ANKFY1: variants seen among roughly 807,000 people sequenced by gnomAD.
ANKFY1 encodes the protein ankyrin repeat and FYVE domain-containing protein 1.
ANKFY1 carries 47 observed loss-of-function variants against 128.3 expected under a neutral mutation model. The ratio of observed to expected loss-of-function variants is 0.37; its 90% CI spans 0.29 to 0.47. ANKFY1 has a LOEUF of 0.47. ANKFY1 is among the 20% of genes least tolerant of loss of function. The probability of loss-of-function intolerance (pLI) is 1.00; values close to 1 mark genes in which losing one functional copy is unlikely to be tolerated. For missense variants in ANKFY1, 1,222 were observed against 1,510.6 expected, an observed-to-expected ratio of 0.81 and a Z score of 3.17; for synonymous variants, 553 against 601.6, an observed-to-expected ratio of 0.92 and a Z score of 1.18.
At chr17:4,231,195 G>A (rs922271137) in intron 3 of ANKFY1, among the ~76,000 whole-genome samples, 1 of 152,168 alleles carries the variant, frequency 6.6e-6, no homozygotes, top group Non-Finnish European at 1.5e-5. Context: ...ATGCATTAAT[G>A]GCAAAAATCC....
At chr17:4,172,110 T>C (rs1372132700) in intron 22 of ANKFY1, among the ~76,000 whole-genome samples, 1 of 152,180 alleles carries the variant, frequency 6.6e-6, no homozygotes, top group Non-Finnish European at 1.5e-5. Context: ...GAGAGGCCTG[T>C]AGCCCTCTGC....
intron 2 of ANKFY1, among the ~76,000 whole-genome samples, chr17:4,236,900 G>C (rs1416659910): frequency 6.6e-6 from 1 of 152,086 alleles, no homozygotes; most frequent in Non-Finnish European, 1.5e-5. Context: ...AGCACTTTGG[G>C]AGGCCGAGGT....
At chr17:4,222,304 C>A (rs1018249101) in intron 3 of ANKFY1, 1 of 696,004 alleles carries the variant, frequency 1.4e-6, no homozygotes, top group African/African-American at 1.7e-5. Flanking sequence ...GGTGCACCGG[C>A]TGATCGGTCT....
chr17:4,178,712 C>G lies in ANKFY1; in HGVS notation c.2598+145G>C, dbSNP rs2059453164. 2.5e-6 allele frequency: 2 copies of G among 804,966 alleles called. No homozygotes were observed. The highest frequency in any genetic ancestry group is 5.4e-5 in the East Asian group (2 of 37,146). 49.9% of individuals were successfully genotyped at this position (804,966 alleles called of 1,614,324 possible). ...CTCATCCTGCACGGATGGGACATCT[C>G]AACAGCCACATCTTAGGACAGGAGT... On this transcript the variant is annotated intron_variant, in intron 18 of 24. Coordinates refer to ENST00000341657, the MANE Select transcript of ANKFY1 (RefSeq NM_001330063.2). The surrounding 1 kb of genome is among the most constrained non-coding windows in gnomAD (Gnocchi z 4.1).
intron 2 of ANKFY1, among the ~76,000 whole-genome samples, chr17:4,236,587 G>A (rs776600126): frequency 2.6e-5 from 4 of 152,168 alleles, no homozygotes; most frequent in Non-Finnish European, 5.9e-5. Flanking sequence ...TACTACTGGA[G>A]GAGAGCATCT....
rs1302731082 is a variant in ANKFY1 at position 4,238,335 on chromosome 17, T to A, written c.204-2445A>T. ...TTTTTTCCCCTACGTTGGTAAAAGA[T>A]GTCTGCTTTAGAAACTGATTCCTCA... is the stretch of plus-strand genomic sequence containing the variant. On this transcript the variant is annotated intron_variant, in intron 2 of 24. Transcript: ENST00000341657. 3.3e-5 allele frequency among the ~76,000 whole-genome samples: 5 copies of A among 152,138 alleles called. No individual in the cohort carries two copies. The East Asian group carries it at 9.6e-4, about 29-fold the overall frequency.
At chr17:4,223,118 G>T (rs1329143832) in intron 3 of ANKFY1, 4 of 747,150 alleles carry the variant, frequency 5.4e-6, no homozygotes, top group South Asian at 3.0e-5. Context: ...AACAAGCATT[G>T]GTCGAAACAA....
rs111552292 is a variant in ANKFY1, at chr17:4,197,953, AACCCCGTCTCT to A, written c.899-387_899-377del. On this transcript the variant is annotated intron_variant, in intron 7 of 24. Coordinates refer to ENST00000341657, the MANE Select transcript of ANKFY1 (RefSeq NM_001330063.2). ...GAGACCAGCCTGACCAACAGGGAAA[AACCCCGTCTCT>A]ACTACAAATACAAAACTAGCCGGGC... Among the ~76,000 whole-genome samples, 522 of 152,084 alleles carry A rather than the reference AACCCCGTCTCT, an allele frequency of 3.4e-3. 3 individuals are homozygous for A. The highest frequency in any genetic ancestry group is 0.012 in the African/African-American group (499 of 41,472).
rs569824847 is a variant in ANKFY1, at chr17:4,169,506, G to A, written c.3287-218C>T. On this transcript the variant is annotated intron_variant, in intron 23 of 24. Coordinates refer to ENST00000341657, the MANE Select transcript of ANKFY1 (RefSeq NM_001330063.2). This position sits in a 1 kb window ranked among gnomAD's most constrained non-coding sequence, Gnocchi z 5.0. ...CCGGGAGACTTGGGGAGAAGGAAACGGTGGTCAACGAGGTGAACCAGTGTG... is the reference window on the plus strand; with the variant it reads ...CCGGGAGACTTGGGGAGAAGGAAACAGTGGTCAACGAGGTGAACCAGTGTG... Among the ~76,000 whole-genome samples the A allele has an allele frequency of 2.0e-5, 3 of 152,310 alleles. No homozygotes were observed. The highest frequency in any genetic ancestry group is 6.5e-5 in the Admixed American group (1 of 15,308).
intron 1 of ANKFY1, among the ~76,000 whole-genome samples, chr17:4,250,882 A>C (rs1967792351): frequency 6.6e-6 from 1 of 152,170 alleles, no homozygotes; most frequent in African/African-American, 2.4e-5. Context: ...GGATCCTCCC[A>C]CTTTGGTCTT....
chr17:4,213,483 ATATC>A (rs2060170829), intron 4 of ANKFY1, among the ~76,000 whole-genome samples: 1 of 152,160 alleles, frequency 6.6e-6, no homozygotes, highest in African/African-American at 2.4e-5. Flanking sequence ...TGTTGTTACA[ATATC>A]TAAGTAAGTT....
At chr17:4,263,044 TG>T (rs1442988727) in intron 1 of ANKFY1, among the ~76,000 whole-genome samples, 1 of 150,410 alleles carries the variant, frequency 6.6e-6, no homozygotes, top group Non-Finnish European at 1.5e-5. Flanking sequence ...TCTCCAATAA[TG>T]GGGTGAAGAG....
intron 1 of ANKFY1, among the ~76,000 whole-genome samples, chr17:4,258,335 C>T (rs891486609): frequency 5.3e-5 from 8 of 152,078 alleles, no homozygotes; most frequent in Admixed American, 1.3e-4. Flanking sequence ...ACCATCCTTG[C>T]TAACACGGTG....
intron 2 of ANKFY1, among the ~76,000 whole-genome samples, chr17:4,241,345 T>C (rs892073946): frequency 6.9e-6 from 1 of 145,278 alleles, no homozygotes; most frequent in South Asian, 2.2e-4. Context: ...AGTGGCACAA[T>C]CTCAGCTCAC....
Position 4,223,946 on chromosome 17 carries a change from C to T in ANKFY1, c.323-6828G>A, listed in dbSNP as rs1203053197. 6 of 562,126 alleles carry T rather than the reference C, an allele frequency of 1.1e-5. No homozygotes were observed. The Admixed American group carries it at 1.9e-4, about 18-fold the overall frequency. The allele number at this position is 562,126 out of a possible 1,614,324, so 34.8% of individuals were successfully genotyped here. On this transcript the variant is annotated intron_variant, in intron 3 of 24. Coordinates refer to ENST00000341657, the MANE Select transcript of ANKFY1 (RefSeq NM_001330063.2). The stretch of plus-strand genomic sequence containing the variant: ...TCCAGAACACTGTGCCTCAGCAATG[C>T]TTTAGAATCTGAACTTTTTAAGACA...
intron 3 of ANKFY1, among the ~76,000 whole-genome samples, chr17:4,221,368 T>G (rs752226912): frequency 6.6e-6 from 1 of 152,126 alleles, no homozygotes; most frequent in African/African-American, 2.4e-5. Context: ...CATACCACTG[T>G]GCCTGGCTAA....
chr17:4,171,669 G>C (rs2059322606), intron 22 of ANKFY1, among the ~76,000 whole-genome samples: 1 of 152,178 alleles, frequency 6.6e-6, no homozygotes, highest in Non-Finnish European at 1.5e-5. Flanking sequence ...CCTGGGCAAG[G>C]TGCTGCTGAG....
Position 4,169,369 on chromosome 17 carries a change from A to G in ANKFY1, c.3287-81T>C, listed in dbSNP as rs2059272933. On this transcript the variant is annotated intron_variant, in intron 23 of 24. Coordinates refer to ENST00000341657, the MANE Select transcript of ANKFY1 (RefSeq NM_001330063.2). This position sits in a 1 kb window ranked among gnomAD's most constrained non-coding sequence, Gnocchi z 5.0. Reference sequence around the variant, plus strand: ...CCCAGGGCTTGGAGGCAGCAGGAACACAGACCCGTAAGTGAGGCAGCGCTG... The same window carrying G: ...CCCAGGGCTTGGAGGCAGCAGGAACGCAGACCCGTAAGTGAGGCAGCGCTG... 9.2e-7 allele frequency: 1 copy of G among 1,084,052 alleles called. No homozygotes were observed. The highest frequency in any genetic ancestry group is 1.4e-5 in the South Asian group (1 of 72,088). The allele number at this position is 1,084,052 out of a possible 1,614,324, so 67.2% of individuals were successfully genotyped here.
At chr17:4,235,022 A>C (rs566233366) in intron 3 of ANKFY1, among the ~76,000 whole-genome samples, 1 of 152,300 alleles carries the variant, frequency 6.6e-6, no homozygotes, top group South Asian at 2.1e-4. Context: ...CAGAGTAACT[A>C]TTCTGAGTTC....
Sources: allele counts gnomAD v4.1 joint callset (sites outside exome capture counted in the v4.1 genomes callset), GRCh38; gene constraint gnomAD v4.1.1; non-coding constraint Gnocchi (gnomAD v3.1); transcripts MANE v1.5; gene names NCBI Gene and HGNC (gene_info 2026-07-23, HGNC 2026-07-21).